Variants in ST3GAL3 observed in about 807,000 individuals in gnomAD.
The protein encoded by ST3GAL3 is CMP-N-acetylneuraminate-beta-1,4-galactoside alpha-2,3-sialyltransferase.
In ST3GAL3, 21 loss-of-function variants were observed where a neutral mutation model predicts 50.1. The ratio of observed to expected loss-of-function variants is 0.42; its 90% CI spans 0.30 to 0.60. ST3GAL3 has a LOEUF of 0.60. Ranked by LOEUF, ST3GAL3 falls within the 20% of genes least tolerant of loss-of-function variation. ST3GAL3 has a pLI of 0.19. For synonymous variants in ST3GAL3, 183 were observed against 190.0 expected, an observed-to-expected ratio of 0.96 and a Z score of 0.30; for missense variants, 353 against 489.4, an observed-to-expected ratio of 0.72 and a Z score of 2.63.
At chr1:43,900,109 C>T (rs1274323824) in intron 9 of ST3GAL3, among the ~76,000 whole-genome samples, 1 of 152,082 alleles carries the variant, frequency 6.6e-6, no homozygotes, top group Admixed American at 6.5e-5. Flanking sequence ...TACTTTCCTG[C>T]CCTGACCTTG....
intron 6 of ST3GAL3, among the ~76,000 whole-genome samples, chr1:43,895,452 A>T (rs2077259279): frequency 6.6e-6 from 1 of 152,174 alleles, no homozygotes; most frequent in African/African-American, 2.4e-5. Flanking sequence ...GCACAGAGGG[A>T]TCAGATCCCC....
intron 1 of ST3GAL3, among the ~76,000 whole-genome samples, chr1:43,711,328 C>A (rs1664668131): frequency 6.6e-6 from 1 of 152,238 alleles, no homozygotes; most frequent in African/African-American, 2.4e-5. Context: ...AGATAGTGGT[C>A]AAGTGGACAC....
chr1:43,861,251 G>A (rs368485167), intron 5 of ST3GAL3, among the ~76,000 whole-genome samples: 54 of 152,266 alleles, frequency 3.5e-4, no homozygotes, highest in African/African-American at 1.2e-3. Flanking sequence ...TGCAAAATGC[G>A]AATAACAGCC....
At chr1:43,843,014 T>C (rs1024651158) in intron 5 of ST3GAL3, among the ~76,000 whole-genome samples, 2 of 152,228 alleles carry the variant, frequency 1.3e-5, no homozygotes, top group Non-Finnish European at 2.9e-5. Context: ...ACATGGACAG[T>C]CTTGTCGTCT....
Position 43,734,149 on chromosome 1 carries a change from T to C in ST3GAL3, c.-30-2084T>C, listed in dbSNP as rs1478151332. ...AAAGAACCTCCTTTGTCTCTTTATT[T>C]ACTCAGATATTTTATGTTCTTTGGT... On this transcript the variant is annotated intron_variant, in intron 1 of 11. Transcript: ENST00000347631. Among the ~76,000 whole-genome samples the C allele has an allele frequency of 5.9e-5, 9 of 152,194 alleles. No homozygotes were observed. In the East Asian group the frequency reaches 1.7e-3, roughly 29 times the overall value.
intron 1 of ST3GAL3, among the ~76,000 whole-genome samples, chr1:43,719,986 A>G (rs1219402058): frequency 6.6e-6 from 1 of 150,556 alleles, no homozygotes. Context: ...GCTCACACCT[A>G]TAATCCCACC....
At chr1:43,885,234 A>T (rs1239352032) in intron 5 of ST3GAL3, among the ~76,000 whole-genome samples, 1 of 152,130 alleles carries the variant, frequency 6.6e-6, no homozygotes, top group African/African-American at 2.4e-5. Flanking sequence ...CTGAGGTTCC[A>T]TCTATGCTGT....
At chr1:43,761,120 C>G (rs1292210252) in intron 2 of ST3GAL3, among the ~76,000 whole-genome samples, 1 of 152,188 alleles carries the variant, frequency 6.6e-6, no homozygotes, top group Non-Finnish European at 1.5e-5. Flanking sequence ...CAAGGCCACA[C>G]TAGGCTGAGC....
intron 2 of ST3GAL3, among the ~76,000 whole-genome samples, chr1:43,777,629 T>C (rs773376475): frequency 1.3e-5 from 2 of 152,142 alleles, no homozygotes; most frequent in Non-Finnish European, 2.9e-5. Context: ...AAGACTTAAA[T>C]GCAAAACCCA....
Position 43,921,023 on chromosome 1 carries a change from G to A in ST3GAL3, c.1038+95G>A, listed in dbSNP as rs1361297372. 7.7e-6 allele frequency: 11 copies of A among 1,435,686 alleles called. No homozygotes were observed. In the African/African-American group the frequency reaches 1.4e-4, roughly 18 times the overall value. The allele number at this position is 1,435,686 out of a possible 1,614,324, so 88.9% of individuals were successfully genotyped here. The stretch of plus-strand genomic sequence containing the variant: ...GGAGGAGCCAGTGGCTGGTCTGGCT[G>A]CCCAGAACTCCCCAGAAGGTCCTGA... On this transcript the variant is annotated intron_variant, in intron 11 of 11. Transcript: ENST00000347631.
intron 3 of ST3GAL3, among the ~76,000 whole-genome samples, chr1:43,803,199 C>A (rs2059503782): frequency 6.6e-6 from 1 of 152,150 alleles, no homozygotes; most frequent in African/African-American, 2.4e-5. Flanking sequence ...GCTGGAATTA[C>A]AGGCATGAGC....
chr1:43,740,086 G>C (rs751769945), intron 2 of ST3GAL3, among the ~76,000 whole-genome samples: 1 of 151,904 alleles, frequency 6.6e-6, no homozygotes, highest in African/African-American at 2.4e-5. Flanking sequence ...TTTCTTGGCC[G>C]GACACAGTGG....
At chr1:43,909,992 A>C (rs2080516012) in intron 9 of ST3GAL3, among the ~76,000 whole-genome samples, 1 of 152,238 alleles carries the variant, frequency 6.6e-6, no homozygotes, top group African/African-American at 2.4e-5. Context: ...TGCTGCCAAG[A>C]GTGCAGTGAC....
Position 43,712,191 on chromosome 1 carries a change from C to T in ST3GAL3, c.-31+4498C>T, listed in dbSNP as rs191973819. 1.7e-4 allele frequency among the ~76,000 whole-genome samples: 26 copies of T among 152,258 alleles called. No homozygotes were observed. In the East Asian group the frequency reaches 1.9e-3, roughly 11 times the overall value. On this transcript the variant is annotated intron_variant, in intron 1 of 11. Transcript: ENST00000347631. Reference sequence around the variant, plus strand: ...TTCATGTAAAGTGCTTTGCAGAGCACGTGGTTCACAGTAAGCACTCATGAT... The same window carrying T: ...TTCATGTAAAGTGCTTTGCAGAGCATGTGGTTCACAGTAAGCACTCATGAT...
At chr1:43,765,192 A>G (rs1692093331) in intron 2 of ST3GAL3, among the ~76,000 whole-genome samples, 1 of 152,132 alleles carries the variant, frequency 6.6e-6, no homozygotes, top group Non-Finnish European at 1.5e-5. Context: ...TAATTCATTT[A>G]GGGCCACAGA....
intron 6 of ST3GAL3, 144 bp from the exon 7 acceptor site, chr1:43,898,091 A>T: frequency 1.2e-6 from 1 of 854,556 alleles, no homozygotes; most frequent in Non-Finnish European, 1.9e-6. Context: ...GCAGTGGCCC[A>T]ATACATCCTT....
chr1:43,916,296 AGAT>A (rs1341527226), intron 9 of ST3GAL3, among the ~76,000 whole-genome samples: 4 of 152,236 alleles, frequency 2.6e-5, no homozygotes, highest in Non-Finnish European at 5.9e-5. Context: ...TCCAGATGAA[AGAT>A]GATAAGACCT....
intron 11 of ST3GAL3, among the ~76,000 whole-genome samples, chr1:43,926,111 C>T (rs186906393): frequency 3.3e-5 from 5 of 152,176 alleles, no homozygotes; most frequent in South Asian, 2.1e-4. Context: ...TGGCTTCATA[C>T]GGGAATCTGT....
At chr1:43,734,515 G>T (rs774485315) in intron 1 of ST3GAL3, among the ~76,000 whole-genome samples, 1 of 151,870 alleles carries the variant, frequency 6.6e-6, no homozygotes, top group Non-Finnish European at 1.5e-5. Flanking sequence ...TCATCATGTT[G>T]CCTAGGCTGG....
Sources: allele counts gnomAD v4.1 joint callset (sites outside exome capture counted in the v4.1 genomes callset), GRCh38; gene constraint gnomAD v4.1.1; transcripts MANE v1.5; gene names NCBI Gene and HGNC (gene_info 2026-07-23, HGNC 2026-07-21).